Variants in ARMC5 observed in about 807,000 individuals in gnomAD.
ARMC5 encodes the protein armadillo repeat-containing protein 5.
ARMC5 carries 28 observed loss-of-function variants against 60.5 expected under a neutral mutation model. That is an observed-to-expected ratio of 0.46 (90% confidence interval 0.34 to 0.63). ARMC5 has a LOEUF of 0.63. Among genes scored for constraint, ARMC5 ranks in the 30% least tolerant of loss-of-function variants. The probability of loss-of-function intolerance (pLI) is 0.01; values close to 1 mark genes in which losing one functional copy is unlikely to be tolerated. For missense variants in ARMC5, 1,189 were observed against 1,304.9 expected (o/e 0.91, Z 1.37); for synonymous variants, 680 against 607.3 (o/e 1.12, Z -1.76).
Position 31,465,288 on chromosome 16 carries a change from T to C in ARMC5, c.1864+401T>C, listed in dbSNP as rs898909966. The C allele has an allele frequency of 2.0e-6, 3 of 1,485,656 alleles. No individual in the cohort carries two copies. In the Admixed American group the frequency reaches 7.1e-5, roughly 35 times the overall value. The allele number at this position is 1,485,656 out of a possible 1,614,324, so 92.0% of individuals were successfully genotyped here. ...AGGGACTGCCCTGTCTGCTGTGCCC[T>C]GACCACAGGCTGCTTCATGGCGTTA... On this transcript the variant is annotated intron_variant, in intron 4 of 5. Transcript: ENST00000268314.
rs1338788745 is a variant in ARMC5 at position 31,463,011 on chromosome 16, C to A, written c.1370+94C>A. ...CCTCTTCACTACCTCCACCCCTATT[C>A]TGTCTGAATAAGACTTTTATAACCC... On this transcript the variant is annotated intron_variant, in intron 3 of 5. Coordinates refer to ENST00000268314, the MANE Select transcript of ARMC5 (RefSeq NM_001105247.2). 40 of 1,279,692 alleles carry A rather than the reference C, an allele frequency of 3.1e-5. 1 individual carries two copies. The highest frequency in any genetic ancestry group is 4.1e-5 in the Non-Finnish European group (39 of 955,374). 79.3% of individuals were successfully genotyped at this position (1,279,692 alleles called of 1,614,324 possible).
intron 1 of ARMC5, among the ~76,000 whole-genome samples, 183 bp from the exon 2 acceptor site, chr16:31,461,739 C>T (rs2082305240): frequency 6.6e-6 from 1 of 152,182 alleles, no homozygotes; most frequent in Non-Finnish European, 1.5e-5. Flanking sequence ...AACTCCTGAC[C>T]TCAAGTGACC....
At chr16:31,465,388 C>T (rs908793808) in intron 4 of ARMC5, 30 of 1,277,998 alleles carry the variant, frequency 2.3e-5, no homozygotes, top group Admixed American at 3.2e-5. Context: ...CTTCTGGTCA[C>T]ACCTCACTAT....
chr16:31,459,596 G>A lies in ARMC5; in HGVS notation c.72G>A (p.Gly24=). The part of the protein sequence containing the change: ...FCLAQLAAAA[G]EALGGEKDPA... ...TCGCGCAGCTCGCGGCGGCGGCCGG[G>A]GAGGCTCTGGGTGGGGAAAAGGACC... Residue 24 remains glycine (G), a synonymous_variant, in exon 1 of 6, where the codon GGG becomes GGA. Transcript: ENST00000268314. 1 of 1,601,436 alleles carries A rather than the reference G, an allele frequency of 6.2e-7. No homozygotes were observed. The highest frequency in any genetic ancestry group is 8.5e-7 in the Non-Finnish European group (1 of 1,179,392).
intron 3 of ARMC5, among the ~76,000 whole-genome samples, chr16:31,463,592 C>A (rs28627853): frequency 0.053 from 8,089 of 152,012 alleles, 713 homozygotes; most frequent in African/African-American, 0.19. Context: ...TAAACATTAG[C>A]GTTGGGGATC....
chr16:31,462,299 A>G lies in ARMC5; in HGVS notation c.752A>G (p.Asp251Gly). ...PLAELLATAP[D>G]AALTLALVRA... The stretch of plus-strand genomic sequence containing the variant: ...GCCGAGCTCCTGGCCACTGCCCCAG[A>G]TGCTGCACTGACCTTAGCCCTCGTC... Residue 251 changes from aspartate to glycine, a missense_variant, in exon 3 of 6, where the codon GAT becomes GGT. Transcript: ENST00000268314. The surrounding 1 kb of genome is among the most constrained non-coding windows in gnomAD (Gnocchi z 7.2). 6.2e-7 allele frequency: 1 copy of G among 1,610,276 alleles called. No individual in the cohort carries two copies. The highest frequency in any genetic ancestry group is 8.5e-7 in the Non-Finnish European group (1 of 1,179,966).
At chr16:31,463,071 C>A (rs904686935) in intron 3 of ARMC5, among the ~76,000 whole-genome samples, 154 bp downstream of exon 3, 1 of 151,950 alleles carries the variant, frequency 6.6e-6, no homozygotes, top group Non-Finnish European at 1.5e-5. Context: ...CCTGCCAGTT[C>A]CTATTTAACA....
rs1413498444 is a variant in ARMC5 at position 31,465,322 on chromosome 16, C to T, written c.1864+435C>T. On this transcript the variant is annotated intron_variant, in intron 4 of 5. Transcript: ENST00000268314. ...GCTGCTTCATGGCGTTACTGCTAGACCAAGGAGCCCTTCTGCTGGCCCTGT... is the reference window on the plus strand; with the variant it reads ...GCTGCTTCATGGCGTTACTGCTAGATCAAGGAGCCCTTCTGCTGGCCCTGT... The T allele has an allele frequency of 4.9e-6, 7 of 1,429,130 alleles. No homozygotes were observed. The East Asian group carries it at 1.5e-4, about 31-fold the overall frequency. The allele number at this position is 1,429,130 out of a possible 1,614,324, so 88.5% of individuals were successfully genotyped here. A position where few individuals can be genotyped will look rare whatever the true frequency, so the allele number is the denominator to read the frequency against.
chr16:31,459,256 T>C, upstream of ARMC5: 1 of 1,533,512 alleles, frequency 6.5e-7, no homozygotes. Context: ...TTTCCAGCGC[T>C]TCCCGAGGTA....
chr16:31,459,590 G>A lies in ARMC5; in HGVS notation c.66G>A (p.Ala22=), dbSNP rs760625399. 6 of 1,602,096 alleles carry A rather than the reference G, an allele frequency of 3.7e-6. No homozygotes were observed. The highest frequency in any genetic ancestry group is 5.1e-6 in the Non-Finnish European group (6 of 1,179,380). The change falls in exon 1 of 6, where the codon GCG becomes GCA. Residue 22 remains alanine, a synonymous_variant. Coordinates refer to ENST00000268314, the MANE Select transcript of ARMC5 (RefSeq NM_001105247.2). The part of the protein sequence containing the change: ...LSFCLAQLAA[A]AGEALGGEKD... ...TCTGCCTCGCGCAGCTCGCGGCGGC[G>A]GCCGGGGAGGCTCTGGGTGGGGAAA... is the stretch of plus-strand genomic sequence containing the variant.
chr16:31,464,772 C>T lies in ARMC5; in HGVS notation c.1749C>T (p.Phe583=), dbSNP rs753989705. 32 of 1,599,050 alleles carry T rather than the reference C, an allele frequency of 2.0e-5. No homozygotes were observed. Among genetic ancestry groups the T allele is most frequent in the Non-Finnish European group, 2.5e-5 (29 of 1,179,230 alleles). ...GCAACCCTGCCTGCCTCGAGGCCTT[C>T]GTGCGCAGCTATGGCGCGGCGCTGC... ...LTCNPACLEA[F]VRSYGAALLR... Residue 583 remains phenylalanine, a synonymous_variant, in exon 4 of 6, where the codon TTC becomes TTT. Coordinates refer to ENST00000268314, the MANE Select transcript of ARMC5 (RefSeq NM_001105247.2). This position sits in a 1 kb window ranked among gnomAD's most constrained non-coding sequence, Gnocchi z 7.6.
upstream of ARMC5, chr16:31,459,182 G>A: frequency 3.9e-6 from 6 of 1,519,614 alleles, no homozygotes; most frequent in Non-Finnish European, 5.3e-6. Context: ...ACGGCACGAA[G>A]GCTCCGTGGT....
In ARMC5 at chr16:31,466,009, G is replaced by T; in HGVS notation, c.1997+27G>T. ...TGAGTGGGAAGTGGGTGCCTTGCGG[G>T]GTTGGGGGAGGAGTGCTGTGTTTCC... On this transcript the variant is annotated intron_variant, in intron 5 of 5. Transcript: ENST00000268314. This position sits in a 1 kb window ranked among gnomAD's most constrained non-coding sequence, Gnocchi z 8.0. 1 of 1,597,382 alleles carries T rather than the reference G, an allele frequency of 6.3e-7. No individual in the cohort carries two copies. Among genetic ancestry groups the T allele is most frequent in the Non-Finnish European group, 8.5e-7 (1 of 1,177,170 alleles).
At position 31,466,512 on chromosome 16, in the gene ARMC5, C is replaced by T. The variant is rs757518695; in HGVS notation, c.2431C>T (p.Arg811Trp). Residue 811 changes from arginine (R) to tryptophan (W), a missense_variant, in exon 6 of 6, where the codon CGG becomes TGG. By Grantham distance (101) the Arg-to-Trp change is moderately radical. Around this residue, in one of 2 missense-constraint regions of ARMC5, gnomAD observed 862 missense variants for 1,071.2 expected, o/e 0.80. Coordinates refer to ENST00000268314, the MANE Select transcript of ARMC5 (RefSeq NM_001105247.2). This position sits in a 1 kb window ranked among gnomAD's most constrained non-coding sequence, Gnocchi z 8.0. The stretch of plus-strand genomic sequence containing the variant: ...TGTCCTGCATCATTTGCATGGTTGT[C>T]GGGGGTGTGGGGCTGCCCTGGGGCC... ...WPVLHHLHGC[R>W]GCGAALGPVP... 9 of 1,609,562 alleles carry T rather than the reference C, an allele frequency of 5.6e-6. No individual in the cohort carries two copies. The highest frequency in any genetic ancestry group is 5.0e-5 in the Admixed American group (3 of 59,992).
At chr16:31,458,996 T>C (rs1056190131), upstream of ARMC5, 37 of 1,534,766 alleles carry the variant, frequency 2.4e-5, no homozygotes, top group Non-Finnish European at 3.1e-5. Flanking sequence ...ACCCTCTTCT[T>C]CCTCTGACCG....
upstream of ARMC5, chr16:31,458,664 G>C (rs941665289): frequency 6.9e-6 from 10 of 1,443,634 alleles, no homozygotes; most frequent in Non-Finnish European, 9.1e-6. Context: ...CCATTTTCCG[G>C]GCGGGCAGCT....
chr16:31,465,077 C>T (rs1445501284), intron 4 of ARMC5, 190 bp downstream of exon 4: 1 of 1,613,920 alleles, frequency 6.2e-7, no homozygotes, highest in Non-Finnish European at 8.5e-7. Context: ...AGGCAGAGTT[C>T]TGCTGTGTCC....
In ARMC5 at chr16:31,466,725, GCC is replaced by G. The variant is rs1567379542; in HGVS notation, c.2646_2647del (p.His883LeufsTer28). 1 of 1,559,284 alleles carries G rather than the reference GCC, an allele frequency of 6.4e-7. No homozygotes were observed. The highest frequency in any genetic ancestry group is 1.4e-5 in the African/African-American group (1 of 73,974). ...CCGCCTGGGCCGGCCCCGGCTGGCTGCCCACTGTGCCCGCTGGACACTGGGGT... is the reference window on the plus strand; with the variant it reads ...CCGCCTGGGCCGGCCCCGGCTGGCTGCACTGTGCCCGCTGGACACTGGGGT... ...VFRLGRPRLA[A>X]HCARWTLGSE... On this transcript the variant is annotated frameshift_variant, in exon 6 of 6. Transcript: ENST00000268314. LOFTEE classifies it high-confidence loss of function. This position sits in a 1 kb window ranked among gnomAD's most constrained non-coding sequence, Gnocchi z 8.0.
upstream of ARMC5, chr16:31,459,467 G>A: frequency 6.4e-7 from 1 of 1,559,606 alleles, no homozygotes; most frequent in Non-Finnish European, 8.7e-7. Context: ...CTGTCTTCCA[G>A]TTCCGCTCCC....
Sources: allele counts gnomAD v4.1 joint callset (sites outside exome capture counted in the v4.1 genomes callset), GRCh38; gene constraint gnomAD v4.1.1; regional missense constraint gnomAD v4.1.1; non-coding constraint Gnocchi (gnomAD v3.1); transcripts MANE v1.5; gene names NCBI Gene and HGNC (gene_info 2026-07-23, HGNC 2026-07-21).